TRHDE: variants seen among roughly 807,000 people sequenced by gnomAD.
TRHDE encodes thyrotropin releasing hormone degrading enzyme, also known as thyrotropin-releasing hormone-degrading ectoenzyme.
Under a neutral mutation model 125.7 loss-of-function variants are expected in TRHDE, and 72 were observed. That is an observed-to-expected ratio of 0.57 (90% CI 0.47 to 0.70). The LOEUF (loss-of-function observed/expected upper bound fraction) is 0.70. Among genes scored for constraint, TRHDE ranks in the 30% least tolerant of loss-of-function variants. TRHDE has a pLI of 0.00. For missense variants in TRHDE, 1,110 were observed against 1,327.1 expected (o/e 0.84, Z 2.54); for synonymous variants, 509 against 509.1 (o/e 1.00, Z 0.00).
rs1879299091 is a variant in TRHDE, at chr12:72,272,916, G to C, written c.273G>C (p.Val91=). The change falls in exon 1 of 19, where the codon GTG becomes GTC. Residue 91 remains valine, a synonymous_variant. Transcript: ENST00000261180. This position sits in a 1 kb window ranked among gnomAD's most constrained non-coding sequence, Gnocchi z 6.7. ...AGCGGCTTGTGCTGGCCTTCGCTGTGTCCCTCGTGGCATTGCTCGCGGTCA... is the reference window on the plus strand; with the variant it reads ...AGCGGCTTGTGCTGGCCTTCGCTGTCTCCCTCGTGGCATTGCTCGCGGTCA... ...VHKRLVLAFA[V]SLVALLAVTM... The C allele has an allele frequency of 6.3e-7, 1 of 1,579,224 alleles. No individual in the cohort carries two copies. Among genetic ancestry groups the C allele is most frequent in the East Asian group, 2.3e-5 (1 of 43,962 alleles).
intron 12 of TRHDE, chr12:72,582,332 C>T: frequency 1.0e-6 from 1 of 984,888 alleles, no homozygotes; most frequent in Non-Finnish European, 1.2e-6. Flanking sequence ...CAAAAACTTA[C>T]AGATTTTTTT....
At chr12:72,529,083 A>G (rs1868411918) in intron 6 of TRHDE, among the ~76,000 whole-genome samples, 1 of 152,080 alleles carries the variant, frequency 6.6e-6, no homozygotes, top group Non-Finnish European at 1.5e-5. Context: ...TTAAATAAAA[A>G]CCAAAAAATT....
intron 2 of TRHDE, among the ~76,000 whole-genome samples, chr12:72,222,084 G>A (rs1396123895): frequency 6.6e-6 from 1 of 152,068 alleles, no homozygotes; most frequent in Non-Finnish European, 1.5e-5. Context: ...TTTCAGCAAG[G>A]AAGACAGAAA....
intron 2 of TRHDE, among the ~76,000 whole-genome samples, chr12:72,185,428 C>T (rs999649516): frequency 1.3e-5 from 2 of 152,266 alleles, no homozygotes; most frequent in African/African-American, 2.4e-5. Context: ...CTGAGGAATG[C>T]GAGCGCACGG....
At chr12:72,483,058 T>G (rs951002133) in intron 5 of TRHDE, among the ~76,000 whole-genome samples, 3 of 151,996 alleles carry the variant, frequency 2.0e-5, no homozygotes, top group African/African-American at 7.2e-5. Flanking sequence ...TGACCAAATA[T>G]TTACAAGGAT....
At chr12:72,169,188 T>A (rs928190816) in intron 2 of TRHDE, among the ~76,000 whole-genome samples, 2 of 151,764 alleles carry the variant, frequency 1.3e-5, no homozygotes, top group Non-Finnish European at 2.9e-5. Context: ...TACAAACCAG[T>A]GGAAGTTTCA....
At chr12:72,582,075 C>CT (rs1304671250) in intron 12 of TRHDE, among the ~76,000 whole-genome samples, 3 of 122,572 alleles carry the variant, frequency 2.4e-5, no homozygotes, top group African/African-American at 9.8e-5. Flanking sequence ...GCACTCCAGC[C>CT]TGGGCGACAG....
intron 2 of TRHDE, among the ~76,000 whole-genome samples, chr12:72,331,569 G>C (rs1335732355): frequency 6.6e-6 from 1 of 152,208 alleles, no homozygotes; most frequent in East Asian, 1.9e-4. Context: ...TCCTGGGAAG[G>C]GTGGCATCAG....
chr12:72,615,173 A>G (rs1166721775), intron 12 of TRHDE, among the ~76,000 whole-genome samples: 1 of 152,120 alleles, frequency 6.6e-6, no homozygotes, highest in African/African-American at 2.4e-5. Context: ...CCTCACTCCA[A>G]TAGTAGGGAA....
At chr12:72,125,807 GA>G (rs746782449) in intron 2 of TRHDE, among the ~76,000 whole-genome samples, 10 of 152,234 alleles carry the variant, frequency 6.6e-5, no homozygotes, top group African/African-American at 2.4e-4. Context: ...GAAAGATGGG[GA>G]AAAAATGAGG....
At chr12:72,548,133 C>T (rs899508746) in intron 7 of TRHDE, among the ~76,000 whole-genome samples, 2 of 151,758 alleles carry the variant, frequency 1.3e-5, no homozygotes, top group Non-Finnish European at 2.9e-5. Context: ...CTTCTATCCT[C>T]TCTTCCTCTT....
At chr12:72,221,977 G>C (rs1326594670) in intron 2 of TRHDE, among the ~76,000 whole-genome samples, 7 of 152,012 alleles carry the variant, frequency 4.6e-5, no homozygotes, top group Admixed American at 1.3e-4. Flanking sequence ...CTCTTCATGT[G>C]GTTCCTTCTC....
chr12:72,185,315 C>A (rs1877182624), intron 2 of TRHDE, among the ~76,000 whole-genome samples: 1 of 152,360 alleles, frequency 6.6e-6, no homozygotes, highest in East Asian at 1.9e-4. Context: ...GCCCGCCATG[C>A]CTGAACCTCC....
At chr12:72,568,324 A>G (rs1175030358) in intron 9 of TRHDE, among the ~76,000 whole-genome samples, 1 of 152,040 alleles carries the variant, frequency 6.6e-6, no homozygotes, top group African/African-American at 2.4e-5. Context: ...CCCAAGAAAA[A>G]TGGTTTTGTT....
chr12:72,628,383 A>G (rs1873346775), intron 15 of TRHDE, among the ~76,000 whole-genome samples: 2 of 93,526 alleles, frequency 2.1e-5, no homozygotes, highest in South Asian at 5.4e-4. Context: ...GTTAAGTGGA[A>G]ACAACAGTGT....
chr12:72,452,163 G>T (rs564204219), intron 3 of TRHDE, among the ~76,000 whole-genome samples: 53 of 150,138 alleles, frequency 3.5e-4, no homozygotes, highest in Admixed American at 1.1e-3. Flanking sequence ...CAGGTATTCT[G>T]CCTTATTGGT....
chr12:72,603,794 A>AG (rs1458932025), intron 12 of TRHDE, among the ~76,000 whole-genome samples: 1 of 152,194 alleles, frequency 6.6e-6, no homozygotes, highest in African/African-American at 2.4e-5. Context: ...TACAGATTGA[A>AG]GTGCACCCTG....
At chr12:72,371,569 GTGTGA>G (rs1871591569) in intron 2 of TRHDE, among the ~76,000 whole-genome samples, 1 of 150,948 alleles carries the variant, frequency 6.6e-6, no homozygotes, top group African/African-American at 2.4e-5. Flanking sequence ...AGTCCCCAGA[GTGTGA>G]TGTTCCCCTT....
intron 2 of TRHDE, among the ~76,000 whole-genome samples, chr12:72,203,399 C>T (rs1199533237): frequency 6.6e-6 from 1 of 152,040 alleles, no homozygotes; most frequent in Non-Finnish European, 1.5e-5. Flanking sequence ...GCCCAGGAGG[C>T]GGAGCTTGCA....
Sources: allele counts gnomAD v4.1 joint callset (sites outside exome capture counted in the v4.1 genomes callset), GRCh38; gene constraint gnomAD v4.1.1; non-coding constraint Gnocchi (gnomAD v3.1); transcripts MANE v1.5; gene names NCBI Gene and HGNC (gene_info 2026-07-23, HGNC 2026-07-21).